Variants in GLMN observed in about 807,000 individuals in gnomAD.
The protein encoded by GLMN is glomulin, FKBP associated protein, also known as glomulin.
Under a neutral mutation model 87.8 loss-of-function variants are expected in GLMN, and 75 were observed. That is an observed-to-expected ratio of 0.85 (90% CI 0.71 to 1.04). GLMN has a LOEUF of 1.04. Ranked by LOEUF, GLMN falls within the 50% of genes least tolerant of loss-of-function variation. The pLI, the probability that GLMN is intolerant of heterozygous loss-of-function variation, is 0.00. For synonymous variants in GLMN, 206 were observed against 221.6 expected, an observed-to-expected ratio of 0.93 and a Z score of 0.63; for missense variants, 588 against 658.8, an observed-to-expected ratio of 0.89 and a Z score of 1.18.
At chr1:92,311,974 C>G in the GLMN span, among the ~76,000 whole-genome samples, 1 of 152,088 alleles carries the variant, frequency 6.6e-6, no homozygotes, top group African/African-American at 2.4e-5. Context: ...GTGGTGGTGT[C>G]TATAGGTTGG....
chr1:92,302,224 C>T (rs1415198640), upstream of GLMN, among the ~76,000 whole-genome samples: 1 of 151,496 alleles, frequency 6.6e-6, no homozygotes, highest in East Asian at 1.9e-4. Flanking sequence ...TTGCAGTGAG[C>T]TGAGATCACA....
At chr1:92,349,754 C>T in the GLMN span, among the ~76,000 whole-genome samples, 5 of 151,978 alleles carry the variant, frequency 3.3e-5, no homozygotes, top group Admixed American at 6.6e-5. Flanking sequence ...ATAGTGAGAC[C>T]CCGTCTCTAC....
chr1:92,360,755 T>C, the GLMN span, among the ~76,000 whole-genome samples: 1 of 152,204 alleles, frequency 6.6e-6, no homozygotes, highest in African/African-American at 2.4e-5. Flanking sequence ...ATTTCAAAAG[T>C]GCAGAAACCA....
chr1:92,324,470 T>C, the GLMN span: 3 of 933,890 alleles, frequency 3.2e-6, no homozygotes, highest in Non-Finnish European at 4.8e-6. Context: ...GAAGAGTTAA[T>C]TGTTAAATTT....
chr1:92,370,835 T>TA, the GLMN span, among the ~76,000 whole-genome samples: 6 of 151,704 alleles, frequency 4.0e-5, no homozygotes, highest in East Asian at 1.9e-4. Context: ...CTCATTTACC[T>TA]AAAAAAAATA....
chr1:92,361,366 T>G, the GLMN span, among the ~76,000 whole-genome samples: 2 of 152,166 alleles, frequency 1.3e-5, no homozygotes, highest in African/African-American at 4.8e-5. Context: ...CTCTAGCACT[T>G]AGTAAGCATT....
chr1:92,293,559 A>G (rs1022829319), intron 3 of GLMN, among the ~76,000 whole-genome samples: 2 of 152,146 alleles, frequency 1.3e-5, no homozygotes, highest in Non-Finnish European at 2.9e-5. Context: ...GTTCCTCAAA[A>G]AATACAAAAA....
the GLMN span, among the ~76,000 whole-genome samples, chr1:92,337,441 G>T: frequency 6.6e-6 from 1 of 152,194 alleles, no homozygotes; most frequent in South Asian, 2.1e-4. Context: ...TCTTTTACTA[G>T]AAAGAGCTTT....
At chr1:92,296,718 T>C (rs971055328) in intron 3 of GLMN, among the ~76,000 whole-genome samples, 1 of 152,192 alleles carries the variant, frequency 6.6e-6, no homozygotes, top group African/African-American at 2.4e-5. Flanking sequence ...GATCCACAAA[T>C]AAGATCCTTT....
the GLMN span, among the ~76,000 whole-genome samples, chr1:92,345,456 A>AGAGG: frequency 7.7e-6 from 1 of 129,230 alleles, no homozygotes; most frequent in East Asian, 2.7e-4. Context: ...AGGGAGGGAC[A>AGAGG]GAGGGAGGGA....
At chr1:92,361,398 TC>T in the GLMN span, among the ~76,000 whole-genome samples, 1 of 152,134 alleles carries the variant, frequency 6.6e-6, no homozygotes, top group Non-Finnish European at 1.5e-5. Flanking sequence ...TGTTGATACA[TC>T]AAAAGAATGA....
the GLMN span, chr1:92,323,946 C>A: frequency 1.9e-6 from 3 of 1,614,076 alleles, no homozygotes; most frequent in South Asian, 2.2e-5. Flanking sequence ...GAAAATTTGC[C>A]AAATCAAACC....
chr1:92,262,986 A>C, intron 15 of GLMN, 60 bp from the exon 16 acceptor site: 88 of 710,946 alleles, frequency 1.2e-4, no homozygotes, highest in East Asian at 3.2e-4. Flanking sequence ...CAGCAATCTC[A>C]ATAAGCTAAA....
rs200121766 is a variant in GLMN, at chr1:92,266,745, G to A, written c.1099-4C>T. On this transcript the variant is annotated splice_polypyrimidine_tract_variant and splice_region_variant and intron_variant, in intron 11 of 18. Coordinates refer to ENST00000370360, the MANE Select transcript of GLMN (RefSeq NM_053274.3). ...GTGTCATTACTTTCACTAAGCCCTGGAAATAAAAAAATGTAAAATTCAGAT... is the reference window on the plus strand; with the variant it reads ...GTGTCATTACTTTCACTAAGCCCTGAAAATAAAAAAATGTAAAATTCAGAT... The A allele has an allele frequency of 1.4e-4, 229 of 1,594,350 alleles. 2 individuals are homozygous for A. In the African/African-American group the frequency reaches 2.5e-3, roughly 17 times the overall value.
intron 1 of GLMN, 125 bp downstream of exon 1, chr1:92,298,800 G>A (rs990804344): frequency 2.3e-5 from 8 of 355,364 alleles, no homozygotes; most frequent in Non-Finnish European, 3.5e-5. Flanking sequence ...TCCGATTCCT[G>A]CTCGCCTAGG....
chr1:92,284,763 AC>A (rs1339496681), intron 7 of GLMN, among the ~76,000 whole-genome samples: 3 of 152,134 alleles, frequency 2.0e-5, no homozygotes, highest in African/African-American at 7.2e-5. Context: ...AAGAACTTAA[AC>A]AAATTTACAA....
the GLMN span, among the ~76,000 whole-genome samples, chr1:92,334,507 C>CCCTAACTGT: frequency 6.6e-6 from 1 of 151,972 alleles, no homozygotes; most frequent in Non-Finnish European, 1.5e-5. Context: ...AGTTAGGGGT[C>CCCTAACTGT]AAATGACATG....
At chr1:92,337,683 T>G in the GLMN span, among the ~76,000 whole-genome samples, 1 of 152,102 alleles carries the variant, frequency 6.6e-6, no homozygotes, top group Non-Finnish European at 1.5e-5. Flanking sequence ...ATCTTAACAC[T>G]TTTTTATATC....
intron 16 of GLMN, among the ~76,000 whole-genome samples, chr1:92,250,570 C>T (rs1019023847): frequency 3.5e-4 from 53 of 152,158 alleles, no homozygotes; most frequent in African/African-American, 1.2e-3. Flanking sequence ...TTTGCCATGA[C>T]TCTCAGTAAA....
Sources: allele counts gnomAD v4.1 joint callset (sites outside exome capture counted in the v4.1 genomes callset), GRCh38; gene constraint gnomAD v4.1.1; transcripts MANE v1.5; gene names NCBI Gene and HGNC (gene_info 2026-07-23, HGNC 2026-07-21).